Variants in ASCC3 observed in about 807,000 individuals in gnomAD.
ASCC3 encodes the protein ASC-1 complex subunit P200.
ASCC3 carries 158 observed loss-of-function variants against 256.3 expected under a neutral mutation model. The ratio of observed to expected loss-of-function variants is 0.62; its 90% CI spans 0.54 to 0.70. The LOEUF (loss-of-function observed/expected upper bound fraction) is 0.70. Among genes scored for constraint, ASCC3 ranks in the 30% least tolerant of loss-of-function variants. The pLI, the probability that ASCC3 is intolerant of heterozygous loss-of-function variation, is 0.00. For synonymous variants in ASCC3, 948 were observed against 883.4 expected (o/e 1.07, Z -1.30); for missense variants, 2,259 against 2,626.0 (o/e 0.86, Z 3.05).
chr6:100,704,034 A>G (rs768232648), intron 13 of ASCC3, among the ~76,000 whole-genome samples: 29 of 142,706 alleles, frequency 2.0e-4, no homozygotes, highest in Non-Finnish European at 3.9e-4. Flanking sequence ...AGAAAACTCA[A>G]CATTACCAAG....
intron 14 of ASCC3, among the ~76,000 whole-genome samples, chr6:100,676,744 G>A (rs187182575): frequency 1.6e-3 from 213 of 129,372 alleles, no homozygotes; most frequent in Non-Finnish European, 2.4e-3. Flanking sequence ...GTGCGCGCGC[G>A]TGCGCGCACA....
chr6:100,674,441 C>T (rs1032196828), intron 14 of ASCC3, among the ~76,000 whole-genome samples: 1 of 151,746 alleles, frequency 6.6e-6, no homozygotes, highest in African/African-American at 2.4e-5. Context: ...ATATTTCTTC[C>T]ACCAACCTGC....
intron 8 of ASCC3, among the ~76,000 whole-genome samples, chr6:100,776,602 C>G (rs541330240): frequency 1.3e-5 from 2 of 152,094 alleles, no homozygotes; most frequent in East Asian, 3.9e-4. Flanking sequence ...TTTTGGATAT[C>G]CATTTATTAA....
chr6:100,532,889 G>A (rs1562099032), intron 37 of ASCC3, among the ~76,000 whole-genome samples: 2 of 152,022 alleles, frequency 1.3e-5, no homozygotes, highest in Admixed American at 6.6e-5. Context: ...GGAAAAAGAA[G>A]AATCCTGCTG....
chr6:100,628,183 T>TA (rs1025197768), intron 27 of ASCC3, among the ~76,000 whole-genome samples, 196 bp from the exon 28 acceptor site: 2 of 151,460 alleles, frequency 1.3e-5, no homozygotes, highest in Non-Finnish European at 2.9e-5. Flanking sequence ...GATGCTGAAT[T>TA]AAAAAAAACT....
intron 13 of ASCC3, among the ~76,000 whole-genome samples, chr6:100,704,969 C>T (rs1778513590): frequency 6.6e-6 from 1 of 151,968 alleles, no homozygotes; most frequent in Admixed American, 6.6e-5. Flanking sequence ...TAATTATTTT[C>T]CCATTCTGCA....
chr6:100,573,009 T>C (rs542569231), intron 36 of ASCC3, among the ~76,000 whole-genome samples: 2 of 152,136 alleles, frequency 1.3e-5, no homozygotes, highest in Non-Finnish European at 2.9e-5. Context: ...TCCCTCAGCA[T>C]GAAGGGGTAT....
At chr6:100,543,886 C>T (rs149775756) in intron 36 of ASCC3, among the ~76,000 whole-genome samples, 48 of 152,084 alleles carry the variant, frequency 3.2e-4, no homozygotes, top group African/African-American at 1.1e-3. Context: ...ACACACAACG[C>T]AATAAGAGTT....
At chr6:100,597,826 T>TAAAAAAAAAAAAAA (rs1772381621) in intron 34 of ASCC3, among the ~76,000 whole-genome samples, 1 of 87,082 alleles carries the variant, frequency 1.1e-5, no homozygotes, top group African/African-American at 5.2e-5. Context: ...AAAAAAAAAT[T>TAAAAAAAAAAAAAA]AGCCGAGCAT....
At position 100,848,821 on chromosome 6, in the gene ASCC3, G is replaced by T. The variant is rs1772517094; in HGVS notation, c.242-114C>A. ...GAGTAAATCTAACAGTCAAATCATAGCAATAGACCAGGTGTAATGGCTCCA... is the reference window on the plus strand; with the variant it reads ...GAGTAAATCTAACAGTCAAATCATATCAATAGACCAGGTGTAATGGCTCCA... On this transcript the variant is annotated intron_variant, in intron 3 of 41. Transcript: ENST00000369162. 2.3e-5 allele frequency: 23 copies of T among 1,014,628 alleles called. No individual in the cohort carries two copies. The South Asian group carries it at 3.2e-4, about 14-fold the overall frequency. 62.9% of individuals were successfully genotyped at this position (1,014,628 alleles called of 1,614,324 possible). A position where few individuals can be genotyped will look rare whatever the true frequency, so the allele number is the denominator to read the frequency against.
Position 100,715,456 on chromosome 6 carries a change from G to T in ASCC3, c.2151+6C>A. ...ATAAGTGTAAAAGCAGATAAAATAA[G>T]TGTACCTGGTGTCCAGCCTTTACTT... On this transcript the variant is annotated splice_donor_region_variant and intron_variant, in intron 13 of 41. Coordinates refer to ENST00000369162, the MANE Select transcript of ASCC3 (RefSeq NM_006828.4). 6.2e-7 allele frequency: 1 copy of T among 1,605,176 alleles called. No homozygotes were observed.
intron 8 of ASCC3, among the ~76,000 whole-genome samples, chr6:100,771,867 T>G (rs887164167): frequency 5.3e-4 from 13 of 24,362 alleles, no homozygotes; most frequent in African/African-American, 1.1e-3. Flanking sequence ...AATCTGCAAG[T>G]TTTTTTTTTT....
intron 3 of ASCC3, 98 bp from the exon 4 acceptor site, chr6:100,848,805 T>C: frequency 8.3e-7 from 1 of 1,198,768 alleles, no homozygotes; most frequent in Non-Finnish European, 1.2e-6. Context: ...TGAGTAAATC[T>C]AACAGTCAAA....
At chr6:100,633,831 G>T (rs1774687197) in intron 25 of ASCC3, among the ~76,000 whole-genome samples, 1 of 150,428 alleles carries the variant, frequency 6.6e-6, no homozygotes, top group Admixed American at 6.7e-5. Context: ...CCGAGTTTGC[G>T]CCATTGCACT....
At position 100,767,238 on chromosome 6, in the gene ASCC3, T is replaced by A; in HGVS notation, c.1503A>T (p.Thr501=). 1 of 1,614,134 alleles carries A rather than the reference T, an allele frequency of 6.2e-7. No individual in the cohort carries two copies. The highest frequency in any genetic ancestry group is 8.5e-7 in the Non-Finnish European group (1 of 1,180,006). Residue 501 remains threonine (T), a synonymous_variant, in exon 9 of 42, where the codon ACA becomes ACT. Coordinates refer to ENST00000369162, the MANE Select transcript of ASCC3 (RefSeq NM_006828.4). Reference sequence around the variant, plus strand: ...TTGCAATGTTGGTTTTTCCAGCTCCTGTAGGGGCACAAATCAGCATGTTCT... The same window carrying A: ...TTGCAATGTTGGTTTTTCCAGCTCCAGTAGGGGCACAAATCAGCATGTTCT... ...TNENMLICAP[T]GAGKTNIAML... is the part of the protein sequence containing the mutation.
chr6:100,642,890 G>T (rs143817791), intron 23 of ASCC3, 141 bp from the exon 24 acceptor site: 9 of 873,180 alleles, frequency 1.0e-5, no homozygotes, highest in Non-Finnish European at 1.6e-5. Context: ...TGAGATATTC[G>T]GAAACTTTAG....
At chr6:100,870,234 T>TA (rs397724608) in intron 1 of ASCC3, among the ~76,000 whole-genome samples, 2,013 of 149,612 alleles carry the variant, frequency 0.013, 42 homozygotes, top group African/African-American at 0.046. Flanking sequence ...ATGCATTTTT[T>TA]AATGCATTTT....
intron 13 of ASCC3, among the ~76,000 whole-genome samples, chr6:100,714,158 T>C (rs1778987143): frequency 6.6e-6 from 1 of 152,132 alleles, no homozygotes; most frequent in Non-Finnish European, 1.5e-5. Flanking sequence ...TCATGCTAAA[T>C]AGCAAAGTTG....
intron 1 of ASCC3, among the ~76,000 whole-genome samples, chr6:100,871,267 G>A (rs1773729750): frequency 6.6e-6 from 1 of 151,658 alleles, no homozygotes; most frequent in African/African-American, 2.4e-5. Context: ...GGCTAATTTT[G>A]GTATTTTTAG....
Sources: allele counts gnomAD v4.1 joint callset (sites outside exome capture counted in the v4.1 genomes callset), GRCh38; gene constraint gnomAD v4.1.1; transcripts MANE v1.5; gene names NCBI Gene and HGNC (gene_info 2026-07-23, HGNC 2026-07-21).